MYCBP2: variants seen among roughly 807,000 people sequenced by gnomAD.
The protein encoded by MYCBP2 is E3 ubiquitin-protein ligase MYCBP2.
Under a neutral mutation model 525.3 loss-of-function variants are expected in MYCBP2, and 120 were observed. The observed-to-expected ratio is 0.23, with a 90% CI of 0.20 to 0.27. The LOEUF is 0.27. MYCBP2 is among the 10% of genes least tolerant of loss of function. The pLI, the probability that MYCBP2 is intolerant of heterozygous loss-of-function variation, is 1.00. For synonymous variants in MYCBP2, 1,894 were observed against 1,955.8 expected (o/e 0.97, Z 0.83); for missense variants, 4,149 against 5,657.1 (o/e 0.73, Z 8.55).
At position 77,212,178 on chromosome 13, in the gene MYCBP2, C is replaced by T. The variant is rs759468806; in HGVS notation, c.3058-18G>A. 1 of 1,608,656 alleles carries T rather than the reference C, an allele frequency of 6.2e-7. No homozygotes were observed. Among genetic ancestry groups the T allele is most frequent in the Non-Finnish European group, 8.5e-7 (1 of 1,175,816 alleles). On this transcript the variant is annotated intron_variant, in intron 21 of 82. Coordinates refer to ENST00000544440, the MANE Select transcript of MYCBP2 (RefSeq NM_015057.5). ...TGTCCTTTCTAAAAGATTAAATAAA[C>T]CATATTAGCAATATTGCTGTGTAAA...
intron 21 of MYCBP2, among the ~76,000 whole-genome samples, chr13:77,214,328 T>C (rs1486815499): frequency 1.3e-5 from 2 of 152,168 alleles, no homozygotes; most frequent in Admixed American, 1.3e-4. Context: ...ATCTCAAAGA[T>C]ACACCTCTAA....
chr13:77,290,815 G>A (rs2077389269), intron 2 of MYCBP2, among the ~76,000 whole-genome samples: 1 of 152,124 alleles, frequency 6.6e-6, no homozygotes, highest in Non-Finnish European at 1.5e-5. Flanking sequence ...CTACACATGT[G>A]ATAAAATTAC....
intron 49 of MYCBP2, among the ~76,000 whole-genome samples, chr13:77,141,280 CTCA>C (rs1026951055): frequency 3.9e-5 from 6 of 152,140 alleles, no homozygotes; most frequent in African/African-American, 1.4e-4. Flanking sequence ...CAGAATACCA[CTCA>C]TCATCTCTAC....
chr13:77,096,585 C>G, intron 56 of MYCBP2, 104 bp from the exon 57 acceptor site: 1 of 1,179,254 alleles, frequency 8.5e-7, no homozygotes, highest in Non-Finnish European at 1.2e-6. Flanking sequence ...TCAAAGAAAG[C>G]AAAATACTGA....
chr13:77,264,784 T>G (rs1015968809), intron 8 of MYCBP2, among the ~76,000 whole-genome samples: 3 of 151,858 alleles, frequency 2.0e-5, no homozygotes, highest in Admixed American at 2.0e-4. Flanking sequence ...TGCTACTAAA[T>G]AACACAAAAC....
At chr13:77,144,920 C>T (rs553324898) in intron 48 of MYCBP2, among the ~76,000 whole-genome samples, 6 of 152,200 alleles carry the variant, frequency 3.9e-5, no homozygotes, top group Non-Finnish European at 7.3e-5. Flanking sequence ...CTAGTCCCTC[C>T]CCTTGTGCTG....
At chr13:77,187,726 TA>T (rs1386078563) in intron 30 of MYCBP2, among the ~76,000 whole-genome samples, 5 of 152,146 alleles carry the variant, frequency 3.3e-5, no homozygotes, top group Admixed American at 2.0e-4. Context: ...ATTTGATACG[TA>T]CTAATAAGTT....
chr13:77,275,478 C>G (rs951758420), intron 4 of MYCBP2, among the ~76,000 whole-genome samples: 2 of 152,130 alleles, frequency 1.3e-5, no homozygotes, highest in African/African-American at 4.8e-5. Flanking sequence ...TTCACTCCCT[C>G]CTATTCACCC....
chr13:77,227,195 A>C (rs556542899), intron 18 of MYCBP2, among the ~76,000 whole-genome samples: 9 of 152,060 alleles, frequency 5.9e-5, no homozygotes, highest in African/African-American at 2.2e-4. Flanking sequence ...TGAATTTTTT[A>C]CTCAAAAAAG....
intron 15 of MYCBP2, among the ~76,000 whole-genome samples, chr13:77,246,926 A>G: frequency 6.6e-6 from 1 of 152,198 alleles, no homozygotes; most frequent in East Asian, 1.9e-4. Context: ...ATGCCCTTTC[A>G]TAATAAAAAC....
chr13:77,149,518 T>G (rs2056144079), intron 47 of MYCBP2, among the ~76,000 whole-genome samples: 1 of 152,180 alleles, frequency 6.6e-6, no homozygotes, highest in African/African-American at 2.4e-5. Context: ...GTATCATCTA[T>G]TCCCATGACT....
In MYCBP2 at chr13:77,267,947, G is replaced by A; in HGVS notation, c.1261-10C>T. 1.9e-6 allele frequency: 3 copies of A among 1,586,108 alleles called. No homozygotes were observed. Among genetic ancestry groups the A allele is most frequent in the Non-Finnish European group, 2.6e-6 (3 of 1,158,958 alleles). ...TATATAATAAATAACCCTGATAACAGCAAAAAATTTTCCTGTTAAAATATT... is the reference window on the plus strand; with the variant it reads ...TATATAATAAATAACCCTGATAACAACAAAAAATTTTCCTGTTAAAATATT... On this transcript the variant is annotated splice_polypyrimidine_tract_variant and intron_variant, in intron 7 of 82. Transcript: ENST00000544440.
intron 1 of MYCBP2, among the ~76,000 whole-genome samples, chr13:77,297,267 GAAGC>G (rs1211097674): frequency 1.3e-5 from 2 of 152,122 alleles, no homozygotes; most frequent in Non-Finnish European, 2.9e-5. Flanking sequence ...CAAGAAACAA[GAAGC>G]AAGGAAAACA....
chr13:77,315,819 C>T (rs1594870103), intron 1 of MYCBP2, among the ~76,000 whole-genome samples: 1 of 149,912 alleles, frequency 6.7e-6, no homozygotes, highest in South Asian at 2.1e-4. Context: ...TGCTGGATCC[C>T]GGGAGGCAGA....
chr13:77,273,586 A>C lies in MYCBP2; in HGVS notation c.831T>G (p.Leu277=), dbSNP rs1567122245. 6.2e-7 allele frequency: 1 copy of C among 1,613,690 alleles called. No individual in the cohort carries two copies. Among genetic ancestry groups the C allele is most frequent in the Admixed American group, 1.7e-5 (1 of 59,894 alleles). The part of the protein sequence containing the change: ...NDSTGQSLTA[L]SCACLFSLVA... ...CCAGACTAAAGAGGCAAGCACAGGA[A>C]AGTGCTGTTAAGGACTGTCCTGTGC... Residue 277 remains leucine, a synonymous_variant, in exon 5 of 83, where the codon CTT becomes CTG. Transcript: ENST00000544440.
intron 70 of MYCBP2, 151 bp downstream of exon 70, chr13:77,068,414 A>AAAAAAAAAAAAAAAAAAAG: frequency 1.2e-6 from 1 of 844,674 alleles, no homozygotes; most frequent in Non-Finnish European, 1.8e-6. Context: ...ACAGTAAAAA[A>AAAAAAAAAAAAAAAAAAAG]GGGAGTAAAA....
At chr13:77,274,142 T>A (rs1324435383) in intron 4 of MYCBP2, among the ~76,000 whole-genome samples, 1 of 152,216 alleles carries the variant, frequency 6.6e-6, no homozygotes, top group Non-Finnish European at 1.5e-5. Flanking sequence ...AATTCACACT[T>A]AGGATGTAAT....
intron 18 of MYCBP2, among the ~76,000 whole-genome samples, chr13:77,230,502 T>C (rs1415772234): frequency 1.3e-5 from 2 of 152,202 alleles, no homozygotes; most frequent in Non-Finnish European, 2.9e-5. Context: ...ATTTTGGAGT[T>C]TGTTCAAATT....
At chr13:77,249,815 T>G (rs1220856007) in intron 15 of MYCBP2, among the ~76,000 whole-genome samples, 1 of 152,142 alleles carries the variant, frequency 6.6e-6, no homozygotes, top group Admixed American at 6.5e-5. Context: ...AATAAAGAAG[T>G]TAGGTGCTTA....
Sources: allele counts gnomAD v4.1 joint callset (sites outside exome capture counted in the v4.1 genomes callset), GRCh38; gene constraint gnomAD v4.1.1; transcripts MANE v1.5; gene names NCBI Gene and HGNC (gene_info 2026-07-23, HGNC 2026-07-21).